The following PRPS1 variants were observed in gnomAD, a reference collection of about 807,000 sequenced individuals.
PRPS1 encodes the protein ribose-phosphate pyrophosphokinase 1.
A neutral mutation model predicts 16.9 loss-of-function variants in PRPS1; 1 was observed. That is an observed-to-expected ratio of 0.06 (90% CI 0.02 to 0.28). The LOEUF is 0.28. PRPS1 is among the 10% of genes least tolerant of loss of function. PRPS1 has a pLI of 1.00. For missense variants in PRPS1, 47 were observed against 254.0 expected (o/e 0.19, Z 5.54); for synonymous variants, 70 against 90.2 (o/e 0.78, Z 1.27).
chrX:107,634,557 C>A (rs892324828), intron 1 of PRPS1, among the ~76,000 whole-genome samples: 1 of 110,102 alleles, frequency 9.1e-6, no homozygotes, highest in Middle Eastern at 4.2e-3. Flanking sequence ...TTAACTGTAT[C>A]CCTTGGCTTC....
At chrX:107,649,838 T>C (rs1925790105) in intron 6 of PRPS1, 102 bp from the exon 7 acceptor site, 1 of 1,190,769 alleles carries the variant, frequency 8.4e-7, no homozygotes, top group Admixed American at 2.2e-5. Flanking sequence ...GTTGCAGTTT[T>C]AAGAGGAAGG....
At chrX:107,642,299 T>C in intron 3 of PRPS1, 67 bp from the exon 4 acceptor site, 1 of 1,188,543 alleles carries the variant, frequency 8.4e-7, no homozygotes, top group Non-Finnish European at 1.1e-6. Flanking sequence ...GTTACTACTT[T>C]GTGTTTGCCA....
chrX:107,647,236 G>A lies in PRPS1; in HGVS notation c.705-370G>A, dbSNP rs763282475. On this transcript the variant is annotated intron_variant, in intron 5 of 6. Transcript: ENST00000372435. ...CTGGCCAGCATTTCCCCATGCGCAC[G>A]CATGCGTGCACACACACTCACACTC... 8.0e-5 allele frequency among the ~76,000 whole-genome samples: 9 copies of A among 112,421 alleles called. No homozygotes were observed. In the South Asian group the frequency reaches 1.5e-3, roughly 18 times the overall value.
At chrX:107,645,818 G>A (rs1018625613) in intron 5 of PRPS1, among the ~76,000 whole-genome samples, 1 of 110,963 alleles carries the variant, frequency 9.0e-6, no homozygotes, top group African/African-American at 3.3e-5. Context: ...CTGTTTTACC[G>A]GCTGCTACTT....
chrX:107,630,063 G>A (rs1375218760), intron 1 of PRPS1: 3 of 112,123 alleles, frequency 2.7e-5, no homozygotes, highest in Admixed American at 1.9e-4. Flanking sequence ...GCTTCTTCCC[G>A]AATTATTGTG....
intron 6 of PRPS1, 33 bp from the exon 7 acceptor site, chrX:107,649,907 A>G: frequency 2.5e-6 from 3 of 1,211,745 alleles, no homozygotes; most frequent in Non-Finnish European, 3.4e-6. Context: ...TGACCATATG[A>G]TAGTAACCTG....
intron 1 of PRPS1, among the ~76,000 whole-genome samples, chrX:107,630,831 C>T (rs1925293257): frequency 9.0e-6 from 1 of 110,889 alleles, no homozygotes; most frequent in African/African-American, 3.3e-5. Context: ...GAATCCTTAA[C>T]CTTTCTTTGC....
intron 4 of PRPS1, among the ~76,000 whole-genome samples, chrX:107,644,124 T>A (rs1925636436): frequency 8.9e-6 from 1 of 112,566 alleles, no homozygotes; most frequent in Admixed American, 9.4e-5. Flanking sequence ...AATTATGTGG[T>A]ACTTTGTCAA....
intron 2 of PRPS1, among the ~76,000 whole-genome samples, 183 bp from the exon 3 acceptor site, chrX:107,640,719 C>T (rs1026509846): frequency 8.9e-6 from 1 of 112,000 alleles, no homozygotes; most frequent in African/African-American, 3.2e-5. Flanking sequence ...AAGTGATGTT[C>T]CACTTAATAT....
chrX:107,640,896 A>T lies in PRPS1; in HGVS notation c.307-6A>T. 8.3e-7 allele frequency: 1 copy of T among 1,210,862 alleles called. No homozygotes were observed. Among genetic ancestry groups the T allele is most frequent in the South Asian group, 1.8e-5 (1 of 56,977 alleles). On this transcript the variant is annotated splice_region_variant and splice_polypyrimidine_tract_variant and intron_variant, in intron 2 of 6. Coordinates refer to ENST00000372435, the MANE Select transcript of PRPS1 (RefSeq NM_002764.4). ...GTTTTTCTTTTCTTTCCTCCCCTCCATTTAGAGCCGGGCGCCAATCTCAGC... is the reference window on the plus strand; with the variant it reads ...GTTTTTCTTTTCTTTCCTCCCCTCCTTTTAGAGCCGGGCGCCAATCTCAGC...
At chrX:107,635,866 C>G (rs1802715486) in intron 1 of PRPS1, among the ~76,000 whole-genome samples, 1 of 106,540 alleles carries the variant, frequency 9.4e-6, no homozygotes, top group Non-Finnish European at 1.9e-5. Context: ...CGAGACCATC[C>G]TGGCCAACAT....
chrX:107,636,848 A>G (rs901452770), intron 1 of PRPS1, among the ~76,000 whole-genome samples: 2 of 112,902 alleles, frequency 1.8e-5, no homozygotes, highest in African/African-American at 6.4e-5. Flanking sequence ...AAGGGTGGGT[A>G]AAAGTGATCT....
At chrX:107,637,851 T>C (rs774779711) in intron 1 of PRPS1, among the ~76,000 whole-genome samples, 1 of 108,864 alleles carries the variant, frequency 9.2e-6, no homozygotes, top group East Asian at 2.9e-4. Flanking sequence ...TCTATAGAAG[T>C]ATAGTAAAGT....
chrX:107,643,795 T>C (rs1177829247), intron 4 of PRPS1, among the ~76,000 whole-genome samples: 1 of 111,961 alleles, frequency 8.9e-6, no homozygotes, highest in Admixed American at 9.5e-5. Flanking sequence ...TTACCACTGA[T>C]GTTATGTGCT....
At chrX:107,647,373 C>T (rs1925720632) in intron 5 of PRPS1, among the ~76,000 whole-genome samples, 1 of 112,747 alleles carries the variant, frequency 8.9e-6, no homozygotes, top group Admixed American at 9.3e-5. Flanking sequence ...TTTAAGCCTC[C>T]AGAACTGTGA....
chrX:107,630,405 G>A (rs73522885), intron 1 of PRPS1, among the ~76,000 whole-genome samples: 6,168 of 111,768 alleles, frequency 0.055, 389 homozygotes, highest in African/African-American at 0.19. Flanking sequence ...CCCAGAACCT[G>A]AGGCTATATT....
At chrX:107,640,796 T>C (rs41300247) in intron 2 of PRPS1, 106 bp from the exon 3 acceptor site, 87 of 875,273 alleles carry the variant, frequency 9.9e-5, no homozygotes, top group Admixed American at 1.3e-4. Context: ...CTGGGTACCA[T>C]AGTGCCTTTA....
At chrX:107,648,011 C>T (rs1370296859) in intron 6 of PRPS1, among the ~76,000 whole-genome samples, 1 of 111,353 alleles carries the variant, frequency 9.0e-6, no homozygotes. Context: ...ACCTCAGAAT[C>T]TCTGGAAGAT....
chrX:107,647,521 C>A, intron 5 of PRPS1, 85 bp from the exon 6 acceptor site: 1 of 976,954 alleles, frequency 1.0e-6, no homozygotes, highest in Non-Finnish European at 1.5e-6. Context: ...GTTGTGGAAG[C>A]CTAAGCAGGC....
Sources: gnomAD v4.1 joint callset for allele counts (sites outside exome capture counted in the v4.1 genomes callset) on GRCh38, gnomAD v4.1.1 for gene constraint, MANE v1.5 for transcripts, NCBI Gene and HGNC (gene_info 2026-07-23, HGNC 2026-07-21) for gene names.